AGBL4: variants seen among roughly 807,000 people sequenced by gnomAD.
AGBL4 encodes the protein cytosolic carboxypeptidase 6.
Under a neutral mutation model 66.4 loss-of-function variants are expected in AGBL4, and 58 were observed. The observed-to-expected ratio is 0.87, with a 90% CI of 0.71 to 1.09. The LOEUF (loss-of-function observed/expected upper bound fraction) is 1.09, where lower values mean the gene tolerates loss of function less well. AGBL4 is among the 50% of genes least tolerant of loss of function. The pLI is 0.00. For missense variants in AGBL4, 579 were observed against 631.0 expected, an observed-to-expected ratio of 0.92 and a Z score of 0.88; for synonymous variants, 234 against 222.9, an observed-to-expected ratio of 1.05 and a Z score of -0.44.
At chr1:49,256,164 A>G (rs998493259) in intron 3 of AGBL4, among the ~76,000 whole-genome samples, 1 of 151,664 alleles carries the variant, frequency 6.6e-6, no homozygotes, top group African/African-American at 2.4e-5. Context: ...AAAGTTAAAA[A>G]ACACAAAAAA....
At chr1:49,894,898 A>G (rs1409331319) in intron 1 of AGBL4, among the ~76,000 whole-genome samples, 1 of 152,166 alleles carries the variant, frequency 6.6e-6, no homozygotes, top group Non-Finnish European at 1.5e-5. Context: ...AAAGATATCA[A>G]TATTCAAGTA....
chr1:48,988,393 A>T (rs563525863), intron 5 of AGBL4, among the ~76,000 whole-genome samples: 1 of 152,302 alleles, frequency 6.6e-6, no homozygotes, highest in South Asian at 2.1e-4. Context: ...TGCCAGGCAC[A>T]TGGTAAACTT....
rs57311875 is a variant in AGBL4, at chr1:49,271,516, G to GCACACACA, written c.283-25660_283-25653dup. ...TCAAAGTCAACTCAATTAAAAGATAGCACACACACACACACACACACACAC... is the reference window on the plus strand; with the variant it reads ...TCAAAGTCAACTCAATTAAAAGATAGCACACACACACACACACACACACACACACACAC... On this transcript the variant is annotated intron_variant, in intron 3 of 13. Coordinates refer to ENST00000371839, the MANE Select transcript of AGBL4 (RefSeq NM_032785.4). 5.6e-3 allele frequency among the ~76,000 whole-genome samples: 813 copies of GCACACACA among 144,280 alleles called. 3 individuals carry two copies. The highest frequency in any genetic ancestry group is 0.014 in the Middle Eastern group (4 of 280). 94.7% of individuals were successfully genotyped at this position (144,280 alleles called of 152,430 possible).
rs1240414454 is a variant in AGBL4, at chr1:49,774,023, C to G, written c.158-76586G>C. On this transcript the variant is annotated intron_variant, in intron 2 of 13. Coordinates refer to ENST00000371839, the MANE Select transcript of AGBL4 (RefSeq NM_032785.4). ...AAGCGGTAGAATGGTTTAGTGGCTACTGGCCTCAAAGCAGGACACACTCCA... is the reference window on the plus strand; with the variant it reads ...AAGCGGTAGAATGGTTTAGTGGCTAGTGGCCTCAAAGCAGGACACACTCCA... Among the ~76,000 whole-genome samples, 3 of 152,300 alleles carry G rather than the reference C, an allele frequency of 2.0e-5. No homozygotes were observed. In the South Asian group the frequency reaches 6.2e-4, roughly 32 times the overall value.
intron 4 of AGBL4, among the ~76,000 whole-genome samples, chr1:49,073,817 C>T (rs1223558030): frequency 6.6e-6 from 1 of 152,228 alleles, no homozygotes; most frequent in Non-Finnish European, 1.5e-5. Context: ...AGCTGTCAGA[C>T]AGGAACATTT....
chr1:49,579,765 C>T (rs190736081), intron 3 of AGBL4, among the ~76,000 whole-genome samples: 13 of 152,294 alleles, frequency 8.5e-5, no homozygotes, highest in Non-Finnish European at 1.2e-4. Context: ...TCCCAAAGTG[C>T]TGGGATTACA....
At chr1:49,609,816 T>C (rs1468761775) in intron 3 of AGBL4, among the ~76,000 whole-genome samples, 2 of 152,204 alleles carry the variant, frequency 1.3e-5, no homozygotes, top group Non-Finnish European at 2.9e-5. Flanking sequence ...TTTAGCTCTC[T>C]GGGACTTGGT....
chr1:48,944,236 A>T (rs776564237), intron 5 of AGBL4, among the ~76,000 whole-genome samples: 2 of 151,264 alleles, frequency 1.3e-5, no homozygotes, highest in Non-Finnish European at 2.9e-5. Context: ...CAGTCTTCCC[A>T]GGGGTTAGGT....
chr1:49,482,933 G>A (rs1557982425), intron 3 of AGBL4, among the ~76,000 whole-genome samples: 1 of 152,048 alleles, frequency 6.6e-6, no homozygotes, highest in African/African-American at 2.4e-5. Context: ...GTATGGTTTT[G>A]AGTGAATTTC....
chr1:48,812,906 A>T (rs1646086510), intron 6 of AGBL4, among the ~76,000 whole-genome samples: 2 of 152,014 alleles, frequency 1.3e-5, no homozygotes. Flanking sequence ...TGGGAATTGA[A>T]CAATGAGAAC....
At chr1:49,789,128 T>A (rs150004473) in intron 2 of AGBL4, among the ~76,000 whole-genome samples, 2 of 152,200 alleles carry the variant, frequency 1.3e-5, no homozygotes, top group South Asian at 4.1e-4. Context: ...GTTCTGTTTA[T>A]GTGATGGATT....
At chr1:49,095,510 A>C (rs1167417235) in intron 4 of AGBL4, among the ~76,000 whole-genome samples, 1 of 152,216 alleles carries the variant, frequency 6.6e-6, no homozygotes, top group Non-Finnish European at 1.5e-5. Context: ...AATGGAACAG[A>C]ACAGAGCCTT....
chr1:49,083,876 T>A (rs1291856467), intron 4 of AGBL4, among the ~76,000 whole-genome samples: 13 of 152,242 alleles, frequency 8.5e-5, no homozygotes, highest in Admixed American at 8.5e-4. Flanking sequence ...AGTCACATGC[T>A]TTGCTGCTTA....
At chr1:49,010,549 CA>C (rs1557556124) in intron 5 of AGBL4, among the ~76,000 whole-genome samples, 1 of 140,560 alleles carries the variant, frequency 7.1e-6, no homozygotes, top group East Asian at 2.0e-4. Flanking sequence ...CATATGGAAC[CA>C]AAAAAGAGCT....
At chr1:48,908,805 C>T (rs1652838426) in intron 5 of AGBL4, among the ~76,000 whole-genome samples, 1 of 152,118 alleles carries the variant, frequency 6.6e-6, no homozygotes, top group African/African-American at 2.4e-5. Context: ...TAGTTTCTAA[C>T]AACTCAGCAA....
At chr1:48,772,307 C>T (rs1644875792) in intron 6 of AGBL4, among the ~76,000 whole-genome samples, 1 of 152,160 alleles carries the variant, frequency 6.6e-6, no homozygotes, top group African/African-American at 2.4e-5. Context: ...TAGGGACTAC[C>T]ACTGAAGCAA....
intron 3 of AGBL4, among the ~76,000 whole-genome samples, chr1:49,454,385 G>T (rs1646344382): frequency 6.6e-6 from 1 of 151,772 alleles, no homozygotes; most frequent in South Asian, 2.1e-4. Flanking sequence ...TGTGGAACAG[G>T]CTTCCTTGTG....
At chr1:48,552,340 G>A (rs1644261756) in intron 11 of AGBL4, among the ~76,000 whole-genome samples, 1 of 152,158 alleles carries the variant, frequency 6.6e-6, no homozygotes, top group Non-Finnish European at 1.5e-5. Context: ...AGGATTACAG[G>A]CATGAGCCAC....
chr1:48,950,143 C>T (rs1300528282), intron 5 of AGBL4, among the ~76,000 whole-genome samples: 8 of 152,164 alleles, frequency 5.3e-5, no homozygotes. Flanking sequence ...GTCACTCAGG[C>T]TGGAGTGCAA....
Sources: gnomAD v4.1 joint callset for allele counts (sites outside exome capture counted in the v4.1 genomes callset) on GRCh38, gnomAD v4.1.1 for gene constraint, MANE v1.5 for transcripts, NCBI Gene and HGNC (gene_info 2026-07-23, HGNC 2026-07-21) for gene names.